The following SIPA1L1 variants were observed in gnomAD, a reference collection of about 807,000 sequenced individuals.
The protein encoded by SIPA1L1 is signal induced proliferation associated 1 like 1, also known as signal-induced proliferation-associated 1-like protein 1.
Under a neutral mutation model 162.7 loss-of-function variants are expected in SIPA1L1, and 26 were observed. The observed-to-expected ratio is 0.16, with a 90% CI of 0.12 to 0.22. The LOEUF (loss-of-function observed/expected upper bound fraction) is 0.22, where lower values mean the gene tolerates loss of function less well. Ranked by LOEUF, SIPA1L1 falls within the 10% of genes least tolerant of loss-of-function variation. The probability of loss-of-function intolerance (pLI) is 1.00; values close to 1 mark genes in which losing one functional copy is unlikely to be tolerated. For synonymous variants in SIPA1L1, 829 were observed against 837.4 expected (o/e 0.99, Z 0.17); for missense variants, 1,874 against 2,241.0 (o/e 0.84, Z 3.31).
chr14:71,488,138 G>C (rs1342935318), intron 2 of SIPA1L1, among the ~76,000 whole-genome samples: 2 of 152,168 alleles, frequency 1.3e-5, no homozygotes, highest in African/African-American at 4.8e-5. Context: ...TCACTGTGTT[G>C]GTTTATCTTT....
chr14:71,596,730 T>A lies in SIPA1L1; in HGVS notation c.1498+7360T>A, dbSNP rs72729954. 1.1e-4 allele frequency among the ~76,000 whole-genome samples: 16 copies of A among 152,234 alleles called. No homozygotes were observed. In the South Asian group the frequency reaches 3.3e-3, roughly 32 times the overall value. ...TGAATGGGAAGCTATTAAACAGACG[T>A]TTTTTAAAAAGTCTTCTACAATCTC... On this transcript the variant is annotated intron_variant, in intron 5 of 23. Coordinates refer to ENST00000381232, the MANE Select transcript of SIPA1L1 (RefSeq NM_001386936.1).
intron 5 of SIPA1L1, among the ~76,000 whole-genome samples, chr14:71,594,616 T>G (rs1240587542): frequency 6.6e-6 from 1 of 152,220 alleles, no homozygotes; most frequent in Non-Finnish European, 1.5e-5. Context: ...CTGAACCATG[T>G]TGTGTTCTAC....
At chr14:71,557,695 C>T (rs752595640) in intron 4 of SIPA1L1, among the ~76,000 whole-genome samples, 7 of 152,154 alleles carry the variant, frequency 4.6e-5, no homozygotes, top group Non-Finnish European at 8.8e-5. Context: ...TATGTGAGTT[C>T]ATACTTTAAG....
chr14:71,593,194 T>TATTG (rs1480445674), intron 5 of SIPA1L1, among the ~76,000 whole-genome samples: 1 of 147,520 alleles, frequency 6.8e-6, no homozygotes, highest in Non-Finnish European at 1.5e-5. Flanking sequence ...TTGTGTTATT[T>TATTG]ATTTATTTAT....
At chr14:71,573,367 A>C (rs1567226371) in intron 4 of SIPA1L1, 1 of 353,232 alleles carries the variant, frequency 2.8e-6, no homozygotes, top group East Asian at 7.4e-5. Flanking sequence ...GCTAAGGACT[A>C]AGTATCCTAA....
intron 4 of SIPA1L1, among the ~76,000 whole-genome samples, chr14:71,580,117 A>G (rs1175565751): frequency 6.6e-6 from 1 of 152,230 alleles, no homozygotes; most frequent in East Asian, 1.9e-4. Flanking sequence ...TATCTAATGT[A>G]AATCTGACTT....
chr14:71,689,925 G>A (rs2081135230), intron 13 of SIPA1L1, among the ~76,000 whole-genome samples: 1 of 152,206 alleles, frequency 6.6e-6, no homozygotes, highest in African/African-American at 2.4e-5. Context: ...CTCTCAGAGA[G>A]CATAATAGTC....
chr14:71,438,514 G>A (rs1393727064), intron 2 of SIPA1L1, among the ~76,000 whole-genome samples: 1 of 151,964 alleles, frequency 6.6e-6, no homozygotes, highest in Non-Finnish European at 1.5e-5. Flanking sequence ...TCAAAATATC[G>A]CTCCCAATAT....
intron 2 of SIPA1L1, among the ~76,000 whole-genome samples, chr14:71,470,893 A>G (rs2047398727): frequency 6.6e-6 from 1 of 152,042 alleles, no homozygotes; most frequent in South Asian, 2.1e-4. Context: ...GCTGGAGTGC[A>G]GTGGCTTGAT....
intron 5 of SIPA1L1, among the ~76,000 whole-genome samples, chr14:71,595,652 C>T (rs994050963): frequency 6.6e-6 from 1 of 152,150 alleles, no homozygotes; most frequent in Non-Finnish European, 1.5e-5. Flanking sequence ...TCCTTAGTTC[C>T]GGCTGCATTT....
chr14:71,355,279 G>T (rs1430031756), intron 2 of SIPA1L1, among the ~76,000 whole-genome samples: 1 of 152,178 alleles, frequency 6.6e-6, no homozygotes, highest in Non-Finnish European at 1.5e-5. Flanking sequence ...ACCAAGAAGA[G>T]AATTTTAACA....
At chr14:71,474,149 A>G (rs578185603) in intron 2 of SIPA1L1, among the ~76,000 whole-genome samples, 7 of 152,362 alleles carry the variant, frequency 4.6e-5, no homozygotes, top group African/African-American at 1.7e-4. Context: ...AGATTCCTAC[A>G]GAGAATTATG....
chr14:71,565,056 G>T (rs532470732), intron 4 of SIPA1L1, among the ~76,000 whole-genome samples: 1 of 152,176 alleles, frequency 6.6e-6, no homozygotes. Context: ...ATAGAAAAGT[G>T]TGTCCTCTTC....
intron 13 of SIPA1L1, among the ~76,000 whole-genome samples, chr14:71,690,658 T>C (rs1312423669): frequency 6.6e-6 from 1 of 152,172 alleles, no homozygotes; most frequent in Non-Finnish European, 1.5e-5. Flanking sequence ...CAAAAGGTAT[T>C]CCTGATTTTT....
chr14:71,709,080 C>T (rs1000052338), intron 16 of SIPA1L1, 142 bp from the exon 17 acceptor site: 16 of 638,758 alleles, frequency 2.5e-5, no homozygotes, highest in Non-Finnish European at 4.3e-5. Context: ...CATAGGTTCC[C>T]TGTCTTACTG....
intron 4 of SIPA1L1, among the ~76,000 whole-genome samples, chr14:71,552,703 T>G: frequency 6.6e-6 from 1 of 152,132 alleles, no homozygotes. Context: ...TATTGAATGG[T>G]TGAACTTTTC....
intron 16 of SIPA1L1, among the ~76,000 whole-genome samples, chr14:71,705,805 T>A (rs2082396096): frequency 6.6e-6 from 1 of 152,022 alleles, no homozygotes; most frequent in Non-Finnish European, 1.5e-5. Context: ...GCTTCTCTTG[T>A]CTTTCATAGC....
In SIPA1L1 at chr14:71,674,816, G is replaced by A. The variant is rs570410710; in HGVS notation, c.3104+2194G>A. 1.1e-4 allele frequency among the ~76,000 whole-genome samples: 16 copies of A among 151,564 alleles called. No homozygotes were observed. In the East Asian group the frequency reaches 2.3e-3, roughly 22 times the overall value. Reference sequence around the variant, plus strand: ...CCTGACCTCGTGATCCGCCCGCCTCGGCCTCCCAAAGTGCTGGGATTACAG... The same window carrying A: ...CCTGACCTCGTGATCCGCCCGCCTCAGCCTCCCAAAGTGCTGGGATTACAG... On this transcript the variant is annotated intron_variant, in intron 12 of 23. Coordinates refer to ENST00000381232, the MANE Select transcript of SIPA1L1 (RefSeq NM_001386936.1).
intron 2 of SIPA1L1, among the ~76,000 whole-genome samples, chr14:71,497,260 G>T (rs1393318992): frequency 6.6e-6 from 1 of 152,116 alleles, no homozygotes; most frequent in African/African-American, 2.4e-5. Context: ...GCCCAGGCTG[G>T]TCTTGAACTC....
Sources: allele counts gnomAD v4.1 joint callset (sites outside exome capture counted in the v4.1 genomes callset), GRCh38; gene constraint gnomAD v4.1.1; transcripts MANE v1.5; gene names NCBI Gene and HGNC (gene_info 2026-07-23, HGNC 2026-07-21).